SPIDR: variants seen among roughly 807,000 people sequenced by gnomAD.
SPIDR encodes the protein DNA repair-scaffolding protein.
SPIDR carries 93 observed loss-of-function variants against 104.6 expected under a neutral mutation model. The ratio of observed to expected loss-of-function variants is 0.89; its 90% CI spans 0.75 to 1.06. The LOEUF is 1.06. Among genes scored for constraint, SPIDR ranks in the 50% least tolerant of loss-of-function variants. The pLI is 0.00. For missense variants in SPIDR, 1,154 were observed against 1,111.2 expected (o/e 1.04, Z -0.55); for synonymous variants, 431 against 416.9 (o/e 1.03, Z -0.41).
Position 47,397,084 on chromosome 8 carries a change from A to G in SPIDR, c.776+458A>G, listed in dbSNP as rs533414757. Among the ~76,000 whole-genome samples, 70 of 152,278 alleles carry G rather than the reference A, an allele frequency of 4.6e-4. 3 individuals are homozygous for G. The South Asian group carries it at 0.014, about 31-fold the overall frequency. ...GTCAGTCAGGGGCTGGGCTGTGGCC[A>G]TGGTGAGCAAAGCAGGAAAGATAAC... On this transcript the variant is annotated intron_variant, in intron 6 of 19. Coordinates refer to ENST00000297423, the MANE Select transcript of SPIDR (RefSeq NM_001080394.4).
chr8:47,698,402 T>G (rs1487095791), intron 11 of SPIDR, among the ~76,000 whole-genome samples: 4 of 152,316 alleles, frequency 2.6e-5, no homozygotes, highest in Non-Finnish European at 5.9e-5. Context: ...TAAATGAATG[T>G]GTCAGCTGCC....
At chr8:47,415,623 C>A (rs2154329964) in intron 7 of SPIDR, among the ~76,000 whole-genome samples, 1 of 152,282 alleles carries the variant, frequency 6.6e-6, no homozygotes, top group Non-Finnish European at 1.5e-5. Flanking sequence ...CATCCTTCCA[C>A]TGTGTGAGGA....
intron 4 of SPIDR, 123 bp from the exon 5 acceptor site, chr8:47,293,744 G>T: frequency 9.2e-7 from 1 of 1,087,040 alleles, no homozygotes; most frequent in Non-Finnish European, 1.3e-6. Context: ...TATTGTGCCT[G>T]GCCCTAAATA....
Position 47,343,606 on chromosome 8 carries a change from C to G in SPIDR, c.525+49576C>G, listed in dbSNP as rs556594576. The stretch of plus-strand genomic sequence containing the variant: ...GTGGATGGAGTCTCATCTGCGTGTG[C>G]TTCACTTTCAACACAGCTGCAGGAC... On this transcript the variant is annotated intron_variant, in intron 5 of 19. Transcript: ENST00000297423. 7.2e-5 allele frequency among the ~76,000 whole-genome samples: 11 copies of G among 152,294 alleles called. No homozygotes were observed. In the East Asian group the frequency reaches 2.1e-3, roughly 29 times the overall value.
intron 8 of SPIDR, among the ~76,000 whole-genome samples, chr8:47,487,644 T>C (rs1195973889): frequency 6.6e-6 from 1 of 152,124 alleles, no homozygotes; most frequent in South Asian, 2.1e-4. Context: ...ACAGAAATTA[T>C]AACAAACTGT....
chr8:47,356,303 A>G (rs375684292), intron 5 of SPIDR, among the ~76,000 whole-genome samples: 5 of 152,200 alleles, frequency 3.3e-5, no homozygotes, highest in African/African-American at 1.2e-4. Context: ...TCCTGAAATG[A>G]AGGTGATGGG....
At position 47,702,077 on chromosome 8, in the gene SPIDR, TCTCTCTCTCTCTCTCTCTCTTA is replaced by T. The variant is rs1385662000; in HGVS notation, c.1977+64_1977+85del. The T allele has an allele frequency of 8.4e-4, 482 of 572,952 alleles. 4 individuals are homozygous for T. The highest frequency in any genetic ancestry group is 1.2e-3 in the South Asian group (54 of 44,744). 35.5% of individuals were successfully genotyped at this position (572,952 alleles called of 1,614,324 possible). ...TTCTCTCTCTCTCTCTCTCTCTCTC[TCTCTCTCTCTCTCTCTCTCTTA>T]CACACACACACACACACACACACAC... On this transcript the variant is annotated intron_variant, in intron 14 of 19. Transcript: ENST00000297423.
chr8:47,636,830 A>G (rs932810808), intron 10 of SPIDR, among the ~76,000 whole-genome samples: 40 of 151,984 alleles, frequency 2.6e-4, no homozygotes, highest in African/African-American at 5.3e-4. Context: ...AAAAAAAAAA[A>G]AGAGATTGTC....
intron 10 of SPIDR, among the ~76,000 whole-genome samples, chr8:47,625,020 C>A (rs1305954204): frequency 6.6e-6 from 1 of 152,114 alleles, no homozygotes; most frequent in Admixed American, 6.6e-5. Context: ...CCAGCAGCAC[C>A]TCAAAAAGCT....
chr8:47,387,242 G>A (rs1554648958), intron 5 of SPIDR, among the ~76,000 whole-genome samples: 1 of 152,200 alleles, frequency 6.6e-6, no homozygotes, highest in Non-Finnish European at 1.5e-5. Context: ...GCTATGAATG[G>A]AGGCCTGGTG....
intron 11 of SPIDR, among the ~76,000 whole-genome samples, chr8:47,698,238 T>C (rs2079635936): frequency 6.6e-6 from 1 of 152,226 alleles, no homozygotes; most frequent in South Asian, 2.1e-4. Flanking sequence ...TGCTTAAACA[T>C]ATTTTTAAAG....
intron 7 of SPIDR, among the ~76,000 whole-genome samples, chr8:47,409,318 T>C (rs1365571963): frequency 6.6e-6 from 1 of 152,216 alleles, no homozygotes; most frequent in East Asian, 1.9e-4. Flanking sequence ...CAAATGAGTT[T>C]ATTCCTCCAA....
At chr8:47,504,961 G>A (rs1383767070) in intron 8 of SPIDR, among the ~76,000 whole-genome samples, 1 of 152,236 alleles carries the variant, frequency 6.6e-6, no homozygotes, top group Non-Finnish European at 1.5e-5. Flanking sequence ...TTGGTGAACA[G>A]CAAATGTTGC....
At chr8:47,334,817 C>T (rs1275744451) in intron 5 of SPIDR, among the ~76,000 whole-genome samples, 2 of 151,900 alleles carry the variant, frequency 1.3e-5, no homozygotes, top group Non-Finnish European at 2.9e-5. Context: ...TTGTTCTTGT[C>T]CTTTGTTCTT....
chr8:47,460,726 AATT>A (rs2073800889), intron 8 of SPIDR, among the ~76,000 whole-genome samples: 1 of 152,020 alleles, frequency 6.6e-6, no homozygotes, highest in African/African-American at 2.4e-5. Context: ...TGGCTTTTTT[AATT>A]ATTATATTTT....
At chr8:47,559,946 AT>A (rs2056856307) in intron 8 of SPIDR, among the ~76,000 whole-genome samples, 1 of 152,222 alleles carries the variant, frequency 6.6e-6, no homozygotes, top group African/African-American at 2.4e-5. Context: ...ACATAATGTT[AT>A]CTGTTTAAAG....
chr8:47,450,126 C>T (rs1161991951), intron 8 of SPIDR, among the ~76,000 whole-genome samples: 2 of 152,186 alleles, frequency 1.3e-5, no homozygotes, highest in African/African-American at 4.8e-5. Context: ...GATCCCACTA[C>T]TGCACTTCAG....
intron 5 of SPIDR, among the ~76,000 whole-genome samples, chr8:47,310,409 T>C (rs1399185988): frequency 1.3e-5 from 2 of 150,916 alleles, no homozygotes; most frequent in Admixed American, 1.3e-4. Context: ...TTCTTTGGAG[T>C]TGTGCTTTTA....
intron 10 of SPIDR, among the ~76,000 whole-genome samples, chr8:47,613,935 TG>T (rs1194354117): frequency 3.3e-5 from 5 of 152,168 alleles, no homozygotes; most frequent in Non-Finnish European, 7.3e-5. Flanking sequence ...ATGTGTGCCA[TG>T]GTAGTTTGCT....
Sources: allele counts gnomAD v4.1 joint callset (sites outside exome capture counted in the v4.1 genomes callset), GRCh38; gene constraint gnomAD v4.1.1; transcripts MANE v1.5; gene names NCBI Gene and HGNC (gene_info 2026-07-23, HGNC 2026-07-21).